Variants in PRKCB observed in about 807,000 individuals in gnomAD.
PRKCB encodes protein kinase C beta type.
PRKCB carries 13 observed loss-of-function variants against 81.5 expected under a neutral mutation model. The observed-to-expected ratio is 0.16, with a 90% confidence interval of 0.10 to 0.25. PRKCB has a LOEUF of 0.25. Ranked by LOEUF, PRKCB falls within the 10% of genes least tolerant of loss-of-function variation. The probability of loss-of-function intolerance (pLI) is 1.00; values close to 1 mark genes in which losing one functional copy is unlikely to be tolerated. For missense variants in PRKCB, 509 were observed against 875.7 expected, an observed-to-expected ratio of 0.58 and a Z score of 5.29; for synonymous variants, 335 against 321.4, an observed-to-expected ratio of 1.04 and a Z score of -0.45.
intron 10 of PRKCB, among the ~76,000 whole-genome samples, chr16:24,164,719 GTTC>G (rs1336325389): frequency 1.3e-5 from 2 of 152,216 alleles, no homozygotes; most frequent in African/African-American, 2.4e-5. Flanking sequence ...GCTGTGACAA[GTTC>G]TTCTTGGAAA....
intron 13 of PRKCB, among the ~76,000 whole-genome samples, chr16:24,183,873 T>TC (rs1773992076): frequency 6.6e-6 from 1 of 152,206 alleles, no homozygotes; most frequent in Non-Finnish European, 1.5e-5. Context: ...AGATGGACAA[T>TC]CACATAGCTC....
intron 2 of PRKCB, among the ~76,000 whole-genome samples, chr16:23,969,877 G>A (rs934890445): frequency 1.3e-5 from 2 of 152,160 alleles, no homozygotes; most frequent in East Asian, 1.9e-4. Context: ...GTGTGTGTGT[G>A]TACGTGGGGA....
At chr16:24,038,093 G>C (rs953373193) in intron 5 of PRKCB, among the ~76,000 whole-genome samples, 3 of 152,044 alleles carry the variant, frequency 2.0e-5, no homozygotes, top group Non-Finnish European at 4.4e-5. Context: ...GAGGCAGGAG[G>C]ATCACTTGAG....
chr16:23,857,370 G>A (rs1208745802), intron 2 of PRKCB, among the ~76,000 whole-genome samples: 1 of 152,160 alleles, frequency 6.6e-6, no homozygotes, highest in African/African-American at 2.4e-5. Flanking sequence ...AGGGAGGGAG[G>A]AGGAGGTGTT....
chr16:23,936,214 A>G (rs56385968), intron 2 of PRKCB, among the ~76,000 whole-genome samples: 14,303 of 150,188 alleles, frequency 0.095, 941 homozygotes, highest in South Asian at 0.17. Context: ...TTTCCTGCTA[A>G]TATTTGGCTA....
rs529163009 is a variant in PRKCB at position 24,024,473 on chromosome 16, C to T, written c.289-7663C>T. ...AATTAAGAGAGTAAATTTCAAATAT[C>T]TCAAGCTAAGAAAATGATAGGCAAG... On this transcript the variant is annotated intron_variant, in intron 3 of 16. Transcript: ENST00000643927. Among the ~76,000 whole-genome samples the T allele has an allele frequency of 1.2e-4, 19 of 152,214 alleles. No individual in the cohort carries two copies. The South Asian group carries it at 3.5e-3, about 28-fold the overall frequency.
At chr16:24,188,019 C>T (rs980240960) in intron 15 of PRKCB, among the ~76,000 whole-genome samples, 1 of 152,236 alleles carries the variant, frequency 6.6e-6, no homozygotes, top group Admixed American at 6.5e-5. Context: ...CCACAGGGTC[C>T]TCCCCTTCAC....
At chr16:24,129,301 CAGGGGGTTAGAA>C (rs1966849578) in intron 9 of PRKCB, among the ~76,000 whole-genome samples, 1 of 152,050 alleles carries the variant, frequency 6.6e-6, no homozygotes, top group Admixed American at 6.6e-5. Context: ...GAGATGGGAT[CAGGGGGTTAGAA>C]AGGAGCTGGG....
chr16:24,174,971 T>C (rs1967505514), intron 12 of PRKCB: 1 of 162,348 alleles, frequency 6.2e-6, no homozygotes, highest in African/African-American at 2.4e-5. Context: ...TTTTTATTTA[T>C]TTATTTTTTT....
intron 2 of PRKCB, among the ~76,000 whole-genome samples, chr16:23,859,662 A>G (rs1018053620): frequency 2.0e-5 from 3 of 152,116 alleles, no homozygotes; most frequent in African/African-American, 7.2e-5. Flanking sequence ...GAGAGGAAGA[A>G]TGTCAGTGAG....
At chr16:24,148,427 G>T (rs1313477785) in intron 9 of PRKCB, among the ~76,000 whole-genome samples, 2 of 152,130 alleles carry the variant, frequency 1.3e-5, no homozygotes, top group Admixed American at 6.5e-5. Flanking sequence ...CATTCCTGGT[G>T]CCTATCTCAG....
At chr16:23,855,186 C>T (rs958990797) in intron 2 of PRKCB, among the ~76,000 whole-genome samples, 18 of 151,808 alleles carry the variant, frequency 1.2e-4, no homozygotes, top group East Asian at 9.6e-4. Flanking sequence ...GAGAGAGAGG[C>T]GTGTGAGTGA....
intron 3 of PRKCB, among the ~76,000 whole-genome samples, chr16:23,995,802 T>A (rs1435881564): frequency 6.6e-6 from 1 of 152,226 alleles, no homozygotes; most frequent in African/African-American, 2.4e-5. Flanking sequence ...TTTGGGCTCA[T>A]GAGGAGTTAG....
intron 2 of PRKCB, among the ~76,000 whole-genome samples, chr16:23,841,221 G>T (rs761978279): frequency 6.6e-6 from 1 of 151,812 alleles, no homozygotes; most frequent in Non-Finnish European, 1.5e-5. Flanking sequence ...CTGGGATTAC[G>T]GGGGCCTGCC....
At chr16:24,071,325 C>T (rs560963418) in intron 5 of PRKCB, among the ~76,000 whole-genome samples, 9 of 150,976 alleles carry the variant, frequency 6.0e-5, no homozygotes, top group African/African-American at 2.2e-4. Context: ...AAAACATGGC[C>T]GGGCACGATG....
chr16:24,214,693 C>T lies in PRKCB; in HGVS notation c.1899C>T (p.Phe633=), dbSNP rs758612506. The T allele has an allele frequency of 6.2e-7, 1 of 1,614,110 alleles. No homozygotes were observed. Among genetic ancestry groups the T allele is most frequent in the South Asian group, 1.1e-5 (1 of 91,080 alleles). Residue 633 remains phenylalanine (F), a synonymous_variant, in exon 17 of 17, where the codon TTC becomes TTT. Coordinates refer to ENST00000643927, the MANE Select transcript of PRKCB (RefSeq NM_002738.7). ...GRNAENFDRF[F]TRHPPVLTPP... ...ATGCTGAAAACTTCGACCGATTTTT[C>T]ACCCGCCATCCACCAGTCCTAACAC...
intron 9 of PRKCB, among the ~76,000 whole-genome samples, chr16:24,125,714 C>T (rs1440164099): frequency 2.6e-5 from 4 of 152,116 alleles, no homozygotes; most frequent in Non-Finnish European, 5.9e-5. Context: ...GATTTCAGAG[C>T]CTAGGGATGG....
intron 9 of PRKCB, among the ~76,000 whole-genome samples, chr16:24,124,964 C>G (rs538832164): frequency 1.0e-3 from 157 of 152,304 alleles, no homozygotes; most frequent in Middle Eastern, 3.4e-3. Flanking sequence ...CCACCCAAAT[C>G]TAATCATTAA....
intron 1 of PRKCB, 129 bp downstream of exon 1, chr16:23,836,477 G>C: frequency 7.5e-7 from 1 of 1,333,744 alleles, no homozygotes; most frequent in Admixed American, 2.9e-5. Flanking sequence ...CGGACTCCCG[G>C]CTCCGGACCC....
Sources: gnomAD v4.1 joint callset for allele counts (sites outside exome capture counted in the v4.1 genomes callset) on GRCh38, gnomAD v4.1.1 for gene constraint, MANE v1.5 for transcripts, NCBI Gene and HGNC (gene_info 2026-07-23, HGNC 2026-07-21) for gene names.